The following LOC400499 variants were observed in gnomAD, a reference collection of about 807,000 sequenced individuals.
chr16:11,448,632 G>A, the LOC400499 span, among the ~76,000 whole-genome samples: 57,324 of 151,898 alleles, frequency 0.38, 12,750 homozygotes, highest in Non-Finnish European at 0.51. Flanking sequence ...TAGGCTGAGC[G>A]GGGAGGATCC....
the LOC400499 span, among the ~76,000 whole-genome samples, chr16:11,421,912 A>T: frequency 6.6e-6 from 1 of 152,204 alleles, no homozygotes; most frequent in East Asian, 1.9e-4. Context: ...TATACTTTAA[A>T]ACGGTTTTAC....
chr16:11,450,393 G>A, the LOC400499 span, among the ~76,000 whole-genome samples: 897 of 152,348 alleles, frequency 5.9e-3, 7 homozygotes, highest in African/African-American at 0.02. Context: ...CTGCCGAGCA[G>A]GGATGTGGGA....
the LOC400499 span, chr16:11,384,993 T>C: frequency 1.4e-5 from 17 of 1,232,092 alleles, no homozygotes; most frequent in Non-Finnish European, 1.7e-5. Context: ...ACGTCCTTCC[T>C]TGTCGTGGCA....
the LOC400499 span, chr16:11,431,185 T>C: frequency 7.5e-6 from 3 of 398,926 alleles, no homozygotes; most frequent in African/African-American, 6.2e-5. Context: ...GAGGAGCAAC[T>C]GTGCTGTGTT....
the LOC400499 span, among the ~76,000 whole-genome samples, chr16:11,470,215 C>G: frequency 2.0e-5 from 3 of 152,162 alleles, no homozygotes; most frequent in African/African-American, 7.2e-5. Flanking sequence ...TGGCCTCTCC[C>G]ATCCTTTTAA....
At chr16:11,395,648 T>C in the LOC400499 span, among the ~76,000 whole-genome samples, 2 of 152,202 alleles carry the variant, frequency 1.3e-5, no homozygotes. Context: ...ATGCAGATGT[T>C]GTACAAATGT....
the LOC400499 span, among the ~76,000 whole-genome samples, chr16:11,492,510 G>A: frequency 2.8e-4 from 43 of 152,148 alleles, no homozygotes; most frequent in African/African-American, 9.9e-4. Flanking sequence ...GTGGCCGGGC[G>A]CGGTGGCTCA....
At chr16:11,519,978 C>T in the LOC400499 span, among the ~76,000 whole-genome samples, 17 of 152,146 alleles carry the variant, frequency 1.1e-4, no homozygotes, top group Non-Finnish European at 1.0e-4. Context: ...GCTGGGATTA[C>T]AGGCATGAGC....
the LOC400499 span, among the ~76,000 whole-genome samples, chr16:11,458,274 A>G: frequency 6.6e-6 from 1 of 152,150 alleles, no homozygotes; most frequent in Non-Finnish European, 1.5e-5. Context: ...TTGAACCCAG[A>G]GGCAGAAGTT....
At chr16:11,447,615 C>T in the LOC400499 span, among the ~76,000 whole-genome samples, 1 of 152,104 alleles carries the variant, frequency 6.6e-6, no homozygotes, top group African/African-American at 2.4e-5. Context: ...TCGTCCTAAC[C>T]TCGTGCTGTT....
the LOC400499 span, among the ~76,000 whole-genome samples, chr16:11,415,650 A>G: frequency 1.3e-5 from 2 of 152,222 alleles, no homozygotes; most frequent in African/African-American, 2.4e-5. Context: ...CCCGGCTGTC[A>G]GAGATACCAA....
chr16:11,494,600 A>G, the LOC400499 span: 1 of 398,756 alleles, frequency 2.5e-6, no homozygotes, highest in Non-Finnish European at 4.4e-6. Context: ...GGGCTCCTGG[A>G]TGGTACAGTT....
the LOC400499 span, among the ~76,000 whole-genome samples, chr16:11,445,188 A>G: frequency 6.6e-6 from 1 of 152,158 alleles, no homozygotes; most frequent in Non-Finnish European, 1.5e-5. Context: ...TGGGAGGCCA[A>G]GGCGGGCAGA....
At chr16:11,461,132 A>C in the LOC400499 span, 2 of 1,528,438 alleles carry the variant, frequency 1.3e-6, no homozygotes, top group Non-Finnish European at 1.8e-6. Context: ...GCAGGGACAG[A>C]GAGCAGGCAG....
the LOC400499 span, among the ~76,000 whole-genome samples, chr16:11,503,448 C>T: frequency 7.3e-3 from 1,115 of 152,292 alleles, 15 homozygotes; most frequent in African/African-American, 0.026. Context: ...GAAACAGCAA[C>T]AAGGTAGGAG....
chr16:11,467,445 A>G, the LOC400499 span, among the ~76,000 whole-genome samples: 8 of 139,810 alleles, frequency 5.7e-5, no homozygotes, highest in Non-Finnish European at 1.1e-4. Flanking sequence ...CCCCATTTGT[A>G]CAAAAATATA....
the LOC400499 span, chr16:11,469,770 G>C: frequency 1.0e-5 from 4 of 397,358 alleles, no homozygotes. Context: ...TCTCAGGCTT[G>C]AAAACTGCCT....
the LOC400499 span, among the ~76,000 whole-genome samples, chr16:11,493,014 G>A: frequency 3.3e-5 from 5 of 152,114 alleles, no homozygotes; most frequent in African/African-American, 1.2e-4. Context: ...AAGGGCCTGG[G>A]GCAAGAGAGG....
the LOC400499 span, among the ~76,000 whole-genome samples, chr16:11,450,440 C>A: frequency 1.3e-5 from 2 of 152,184 alleles, no homozygotes; most frequent in Non-Finnish European, 2.9e-5. Flanking sequence ...AATTCTTCTA[C>A]GTCACTTAGG....
Sources: allele counts gnomAD v4.1 joint callset (sites outside exome capture counted in the v4.1 genomes callset), GRCh38; gene constraint gnomAD v4.1.1; transcripts MANE v1.5.